ZNF430: variants seen among roughly 807,000 people sequenced by gnomAD.
ZNF430 encodes the protein zinc finger protein 430.
ZNF430 carries 35 observed loss-of-function variants against 56.7 expected under a neutral mutation model. That is an observed-to-expected ratio of 0.62 (90% confidence interval 0.47 to 0.82). The LOEUF is 0.82. Ranked by LOEUF, ZNF430 falls within the 40% of genes least tolerant of loss-of-function variation. The pLI, the probability that ZNF430 is intolerant of heterozygous loss-of-function variation, is 0.00. For synonymous variants in ZNF430, 212 were observed against 224.3 expected (o/e 0.94, Z 0.49); for missense variants, 574 against 661.0 (o/e 0.87, Z 1.44).
At chr19:21,038,141 CTTCT>C (rs1185531171) in intron 4 of ZNF430, among the ~76,000 whole-genome samples, 3 of 150,978 alleles carry the variant, frequency 2.0e-5, no homozygotes, top group Non-Finnish European at 4.4e-5. Flanking sequence ...AATGTCATGT[CTTCT>C]TTCTATTTTT....
At position 21,057,637 on chromosome 19, in the gene ZNF430, C is replaced by G; in HGVS notation, c.1329C>G (p.Asn443Lys). The stretch of plus-strand genomic sequence containing the variant: ...GCAAAGCTTTTAATGAGTCCTCAAA[C>G]CTTACTGCACATAAGATAATTCATA... ...QCGKAFNESS[N>K]LTAHKIIHTG... The change falls in exon 5 of 5, where the codon AAC becomes AAG. Residue 443 changes from asparagine to lysine, a missense_variant. Around this residue, in one of 3 missense-constraint regions of ZNF430, gnomAD observed 213 missense variants for 221.0 expected, o/e 0.96. Transcript: ENST00000261560. 3.1e-6 allele frequency: 5 copies of G among 1,612,042 alleles called. No homozygotes were observed. Among genetic ancestry groups the G allele is most frequent in the Non-Finnish European group, 4.2e-6 (5 of 1,179,510 alleles).
chr19:21,054,327 C>T (rs1033959394), intron 4 of ZNF430, among the ~76,000 whole-genome samples: 1 of 151,236 alleles, frequency 6.6e-6, no homozygotes, highest in African/African-American at 2.4e-5. Flanking sequence ...ATATGTAGAG[C>T]ATACGGAGTA....
chr19:21,039,512 G>T (rs891654424), intron 4 of ZNF430, among the ~76,000 whole-genome samples: 2 of 145,262 alleles, frequency 1.4e-5, no homozygotes, highest in Non-Finnish European at 3.0e-5. Context: ...TGTTGCCCAG[G>T]CTGGGGTGCA....
rs535467649 is a variant in ZNF430 at position 21,058,922 on chromosome 19, C to T, written c.*901C>T. Reference sequence around the variant, plus strand: ...TACAAATGTGAAGAGGGTTGTAGTACCTTTATTTGTATCACAGATTTTATT... The same window carrying T: ...TACAAATGTGAAGAGGGTTGTAGTATCTTTATTTGTATCACAGATTTTATT... On this transcript the variant is annotated 3_prime_UTR_variant, in exon 5 of 5. Transcript: ENST00000261560. The T allele has an allele frequency of 6.6e-6, 1 of 152,180 alleles. No individual in the cohort carries two copies. The highest frequency in any genetic ancestry group is 2.1e-4 in the South Asian group (1 of 4,814). The allele number at this position is 152,180 out of a possible 1,614,324, so 9.4% of individuals were successfully genotyped here.
intron 2 of ZNF430, among the ~76,000 whole-genome samples, chr19:21,025,514 T>C (rs894438164): frequency 6.6e-6 from 1 of 152,132 alleles, no homozygotes; most frequent in African/African-American, 2.4e-5. Flanking sequence ...TGCAGCCCCA[T>C]AGGTCTCAGC....
At chr19:21,042,181 G>A (rs1042210346) in intron 4 of ZNF430, among the ~76,000 whole-genome samples, 1 of 152,142 alleles carries the variant, frequency 6.6e-6, no homozygotes, top group African/African-American at 2.4e-5. Flanking sequence ...TAGTGTATAT[G>A]TACCACATTT....
intron 4 of ZNF430, among the ~76,000 whole-genome samples, chr19:21,037,512 C>A (rs1013188169): frequency 6.6e-6 from 1 of 152,096 alleles, no homozygotes; most frequent in African/African-American, 2.4e-5. Context: ...GTTGCTGCAG[C>A]CTTTTAGCTT....
chr19:21,032,134 A>G (rs925792699), intron 2 of ZNF430, among the ~76,000 whole-genome samples: 2 of 152,164 alleles, frequency 1.3e-5, no homozygotes, highest in Non-Finnish European at 2.9e-5. Context: ...TTGAGGTTTC[A>G]TCTGTTTTCT....
At chr19:21,022,081 G>C (rs1278303943) in intron 1 of ZNF430, among the ~76,000 whole-genome samples, 1 of 152,012 alleles carries the variant, frequency 6.6e-6, no homozygotes, top group Non-Finnish European at 1.5e-5. Context: ...CAGGTGATCC[G>C]CCTGCCTTGG....
chr19:21,022,997 C>A, intron 2 of ZNF430, 116 bp downstream of exon 2: 1 of 763,886 alleles, frequency 1.3e-6, no homozygotes, highest in Non-Finnish European at 2.2e-6. Context: ...ATAATTTTTG[C>A]CTCTGGATTG....
At chr19:21,033,658 G>A (rs1274492267) in intron 3 of ZNF430, 76 bp downstream of exon 3, 22 of 1,465,318 alleles carry the variant, frequency 1.5e-5, no homozygotes, top group Non-Finnish European at 1.8e-5. Context: ...ATAATTTTTG[G>A]TAATTTATGC....
intron 4 of ZNF430, among the ~76,000 whole-genome samples, chr19:21,037,456 A>C (rs1035861795): frequency 1.3e-4 from 20 of 152,152 alleles, no homozygotes; most frequent in African/African-American, 4.3e-4. Context: ...TTCGCTCTAC[A>C]CATATGTTAC....
In ZNF430 at chr19:21,020,680, C is replaced by A; in HGVS notation, c.-121C>A. 6.9e-7 allele frequency: 1 copy of A among 1,440,552 alleles called. No individual in the cohort carries two copies. The highest frequency in any genetic ancestry group is 1.2e-5 in the South Asian group (1 of 86,260). 89.2% of individuals were successfully genotyped at this position (1,440,552 alleles called of 1,614,324 possible). On this transcript the variant is annotated 5_prime_UTR_variant, in exon 1 of 5. Coordinates refer to ENST00000261560, the MANE Select transcript of ZNF430 (RefSeq NM_025189.4). Reference sequence around the variant, plus strand: ...TTGTCCCTCGCTGTGGCCTGAGCTCCAGGTCTCGTCTTCAGCGCTCTGTGT... The same window carrying A: ...TTGTCCCTCGCTGTGGCCTGAGCTCAAGGTCTCGTCTTCAGCGCTCTGTGT...
chr19:21,025,762 C>CT (rs35823197), intron 2 of ZNF430, among the ~76,000 whole-genome samples: 9 of 128,984 alleles, frequency 7.0e-5, no homozygotes, highest in East Asian at 4.6e-4. Flanking sequence ...AATTTTTGTA[C>CT]TTTTTTTTTT....
At chr19:21,054,553 A>G (rs1968337021) in intron 4 of ZNF430, among the ~76,000 whole-genome samples, 1 of 151,276 alleles carries the variant, frequency 6.6e-6, no homozygotes, top group South Asian at 2.1e-4. Context: ...TTTATCTTGC[A>G]GTTTCCAAGA....
chr19:21,034,213 A>G, intron 4 of ZNF430, 29 bp downstream of exon 4: 1 of 1,427,500 alleles, frequency 7.0e-7, no homozygotes, highest in Non-Finnish European at 9.6e-7. Flanking sequence ...AACAGACGAC[A>G]TGAATGAGAG....
chr19:21,053,076 C>A (rs1968310902), intron 4 of ZNF430, among the ~76,000 whole-genome samples: 1 of 152,206 alleles, frequency 6.6e-6, no homozygotes, highest in Admixed American at 6.5e-5. Context: ...AAATGCATCG[C>A]GACTGTTCAG....
chr19:21,035,653 C>T (rs980675690), intron 4 of ZNF430: 4 of 209,112 alleles, frequency 1.9e-5, no homozygotes, highest in African/African-American at 9.3e-5. Flanking sequence ...AAACTGGTTT[C>T]AGTAGGTAAA....
At chr19:21,020,919 A>G in intron 1 of ZNF430, 116 bp downstream of exon 1, 2 of 1,451,204 alleles carry the variant, frequency 1.4e-6, no homozygotes, top group African/African-American at 2.8e-5. Flanking sequence ...CTGCGCCCCG[A>G]GTTCTTGCCC....
Sources: allele counts gnomAD v4.1 joint callset (sites outside exome capture counted in the v4.1 genomes callset), GRCh38; gene constraint gnomAD v4.1.1; regional missense constraint gnomAD v4.1.1; transcripts MANE v1.5; gene names NCBI Gene and HGNC (gene_info 2026-07-23, HGNC 2026-07-21).